Variants in MACF1 observed in about 807,000 individuals in gnomAD.
The protein encoded by MACF1 is microtubule-actin cross-linking factor 1.
A neutral mutation model predicts 854.8 loss-of-function variants in MACF1; 193 were observed. The ratio of observed to expected loss-of-function variants is 0.23; its 90% CI spans 0.20 to 0.25. MACF1 has a LOEUF of 0.25. Ranked by LOEUF, MACF1 falls within the 10% of genes least tolerant of loss-of-function variation. MACF1 has a pLI of 1.00. For missense variants in MACF1, 7,722 were observed against 8,929.1 expected, an observed-to-expected ratio of 0.86 and a Z score of 5.45; for synonymous variants, 3,185 against 3,226.7, an observed-to-expected ratio of 0.99 and a Z score of 0.44.
chr1:39,187,251 ATT>A (rs1644185489), intron 2 of MACF1, among the ~76,000 whole-genome samples: 1 of 152,078 alleles, frequency 6.6e-6, no homozygotes, highest in South Asian at 2.1e-4. Flanking sequence ...TAATTGCCAT[ATT>A]TTGTCACTTG....
Position 39,332,632 on chromosome 1 carries a change from C to T in MACF1, c.6044C>T (p.Thr2015Ile), listed in dbSNP as rs756654644. The T allele has an allele frequency of 1.2e-6, 2 of 1,614,182 alleles. No homozygotes were observed. The highest frequency in any genetic ancestry group is 8.5e-7 in the Non-Finnish European group (1 of 1,180,026). ...VVEIGHQRQKTPEGLQESANV... is the reference protein window; with the variant it reads ...VVEIGHQRQKIPEGLQESANV... ...GAAATTGGGCATCAAAGGCAAAAAACTCCTGAGGGATTGCAAGAATCAGCT... is the reference window on the plus strand; with the variant it reads ...GAAATTGGGCATCAAAGGCAAAAAATTCCTGAGGGATTGCAAGAATCAGCT... The change falls in exon 37 of 101, where the codon ACT (threonine) becomes ATT (isoleucine). Residue 2015 changes from threonine (T) to isoleucine (I), a missense_variant. Physicochemically the swap from Thr to Ile is moderately conservative, Grantham distance 89. This residue lies in a region of MACF1 where 1,531 missense variants were observed against 1,601.6 expected (regional missense o/e 0.96). Transcript: ENST00000564288.
chr1:39,435,036 T>A (rs1215945898), intron 69 of MACF1, among the ~76,000 whole-genome samples: 1 of 152,222 alleles, frequency 6.6e-6, no homozygotes, highest in Admixed American at 6.5e-5. Flanking sequence ...TAATGACACT[T>A]CAAAATGTTT....
chr1:39,452,247 C>A lies in MACF1; in HGVS notation c.20510C>A (p.Thr6837Asn), dbSNP rs1644355701. The change falls in exon 86 of 101, where the codon ACC (threonine) becomes AAC (asparagine). Residue 6837 changes from threonine (T) to asparagine (N), a missense_variant. Transcript: ENST00000564288. Reference sequence around the variant, plus strand: ...CTGATTGAGAATAGTCGAGATGACACCACTTGGGTAAAAGGACAGCTCCAG... The same window carrying A: ...CTGATTGAGAATAGTCGAGATGACAACACTTGGGTAAAAGGACAGCTCCAG... ...RELIENSRDD[T>N]TWVKGQLQEL... 1.2e-6 allele frequency: 2 copies of A among 1,614,162 alleles called. No homozygotes were observed. The highest frequency in any genetic ancestry group is 8.5e-7 in the Non-Finnish European group (1 of 1,180,022).
Position 39,361,631 on chromosome 1 carries a change from G to A in MACF1, c.12725G>A (p.Gly4242Glu). Residue 4242 changes from glycine to glutamate, a missense_variant, in exon 49 of 101, where the codon GGA becomes GAA. Transcript: ENST00000564288. The stretch of plus-strand genomic sequence containing the variant: ...AACAAAAGTCGGATGCTGGCCTCTG[G>A]AAATCAGCCAGATCAAGATATTACA... ...MENKSRMLAS[G>E]NQPDQDITHF... 1 of 1,614,172 alleles carries A rather than the reference G, an allele frequency of 6.2e-7. No individual in the cohort carries two copies. The highest frequency in any genetic ancestry group is 8.5e-7 in the Non-Finnish European group (1 of 1,180,040).
intron 2 of MACF1, among the ~76,000 whole-genome samples, chr1:39,241,659 CAAAAAAAAA>C (rs35678466): frequency 3.9e-5 from 2 of 51,506 alleles, no homozygotes; most frequent in South Asian, 8.7e-4. Flanking sequence ...GACTCCATCT[CAAAAAAAAA>C]AAAAAAAAAA....
rs1644958575 is a variant in MACF1, at chr1:39,244,341, T to G, written c.172-5673T>G. ...CTGTCACCCAGGTTGGAGTGCAGTGTCGTGATCTCGGTTCACTGCAACTTC... is the reference window on the plus strand; with the variant it reads ...CTGTCACCCAGGTTGGAGTGCAGTGGCGTGATCTCGGTTCACTGCAACTTC... On this transcript the variant is annotated intron_variant, in intron 2 of 100. Transcript: ENST00000564288. 2.6e-5 allele frequency among the ~76,000 whole-genome samples: 4 copies of G among 152,008 alleles called. No homozygotes were observed. In the South Asian group the frequency reaches 8.3e-4, roughly 32 times the overall value.
intron 2 of MACF1, among the ~76,000 whole-genome samples, chr1:39,176,108 T>G (rs1272542496): frequency 3.5e-4 from 1 of 2,834 alleles, no homozygotes; most frequent in African/African-American, 4.4e-4. Context: ...AGACTCCTTC[T>G]CAAAAAAAAA....
chr1:39,197,244 TACAC>T lies in MACF1; in HGVS notation c.221-33924_221-33921del, dbSNP rs550189279. On this transcript the variant is annotated intron_variant, in intron 2 of 93. Transcript: ENST00000361689. Reference sequence around the variant, plus strand: ...TATAATAAATATAAATATAAATATATACACACACACACACACAAGCTGCAGATAG... The same window carrying T: ...TATAATAAATATAAATATAAATATATACACACACACACAAGCTGCAGATAG... 1.5e-3 allele frequency among the ~76,000 whole-genome samples: 223 copies of T among 150,516 alleles called. 3 individuals are homozygous for T. The highest frequency in any genetic ancestry group is 4.1e-4 in the Non-Finnish European group (28 of 67,526).
intron 94 of MACF1, 114 bp downstream of exon 94, chr1:39,463,800 ACTCTC>A: frequency 1.4e-5 from 12 of 872,680 alleles, no homozygotes; most frequent in Non-Finnish European, 1.7e-5. Context: ...AGATGTGGTC[ACTCTC>A]TGACCTCATC....
rs761498768 is a variant in MACF1, at chr1:39,310,385, T to C, written c.3057T>C (p.Ala1019=). ...TGCGCTTGGAAGAGGAGGTGGAAGC[T>C]TGTAAAGCCCGCTTCCAGCACCTGA... ...DRLRLEEEVE[A]CKARFQHLMK... is the part of the protein sequence containing the mutation. The change falls in exon 25 of 101, where the codon GCT becomes GCC. Residue 1019 remains alanine, a synonymous_variant. Coordinates refer to ENST00000564288, the MANE Select transcript of MACF1 (RefSeq NM_001394062.1). The C allele has an allele frequency of 6.2e-7, 1 of 1,614,126 alleles. No homozygotes were observed.
At chr1:39,180,057 T>C (rs1353135174) in intron 2 of MACF1, among the ~76,000 whole-genome samples, 3 of 151,984 alleles carry the variant, frequency 2.0e-5, no homozygotes, top group African/African-American at 7.3e-5. Flanking sequence ...TCTCCTTTGC[T>C]TTTATTACAG....
chr1:39,412,621 G>A, intron 58 of MACF1: 2 of 1,614,040 alleles, frequency 1.2e-6, no homozygotes, highest in Non-Finnish European at 1.7e-6. Context: ...TACAAAGCCT[G>A]AGCTGAATGT....
Position 39,380,486 on chromosome 1 carries a change from T to C in MACF1, c.13648+113T>C, listed in dbSNP as rs1650082071. On this transcript the variant is annotated intron_variant, in intron 55 of 100. Transcript: ENST00000564288. The stretch of plus-strand genomic sequence containing the variant: ...ATTATTTTTAGTTAATTTTTATAAA[T>C]AAGCAATTAGGATCCAGATAGGGCC... 4.5e-6 allele frequency: 5 copies of C among 1,118,468 alleles called. No homozygotes were observed. In the South Asian group the frequency reaches 8.1e-5, roughly 18 times the overall value. 69.3% of individuals were successfully genotyped at this position (1,118,468 alleles called of 1,614,324 possible). A position where few individuals can be genotyped will look rare whatever the true frequency, so the allele number is the denominator to read the frequency against.
chr1:39,253,389 CA>C (rs1645063535), intron 4 of MACF1, among the ~76,000 whole-genome samples: 1 of 152,112 alleles, frequency 6.6e-6, no homozygotes, highest in South Asian at 2.1e-4. Flanking sequence ...CCTTCAGTGG[CA>C]GCTATGTTCC....
intron 2 of MACF1, among the ~76,000 whole-genome samples, chr1:39,165,568 T>C (rs548534329): frequency 1.1e-3 from 171 of 152,350 alleles, no homozygotes; most frequent in African/African-American, 3.9e-3. Context: ...AGAGTGAGCC[T>C]GTATAGCTAA....
intron 36 of MACF1, among the ~76,000 whole-genome samples, chr1:39,329,036 A>G (rs1646668350): frequency 6.6e-6 from 1 of 152,236 alleles, no homozygotes; most frequent in African/African-American, 2.4e-5. Context: ...TCTAAAAGGA[A>G]TTTTTAAGGT....
At chr1:39,408,670 G>A (rs1256816901) in intron 58 of MACF1, among the ~76,000 whole-genome samples, 1 of 152,152 alleles carries the variant, frequency 6.6e-6, no homozygotes, top group Admixed American at 6.5e-5. Flanking sequence ...AGCGGGAGGA[G>A]GGCGGGGCTT....
intron 37 of MACF1, 60 bp downstream of exon 37, chr1:39,336,713 T>G: frequency 6.9e-7 from 1 of 1,454,730 alleles, no homozygotes; most frequent in Non-Finnish European, 9.1e-7. Context: ...ATGCTAAAAT[T>G]CTTAACTGGG....
intron 2 of MACF1, among the ~76,000 whole-genome samples, chr1:39,245,969 T>C: frequency 6.6e-6 from 1 of 152,242 alleles, no homozygotes; most frequent in East Asian, 1.9e-4. Context: ...AAAGCACTCT[T>C]ACTTATTTGT....
Sources: gnomAD v4.1 joint callset for allele counts (sites outside exome capture counted in the v4.1 genomes callset) on GRCh38, gnomAD v4.1.1 for gene constraint, gnomAD v4.1.1 regional missense constraint, MANE v1.5 for transcripts, NCBI Gene and HGNC (gene_info 2026-07-23, HGNC 2026-07-21) for gene names.